Variants in TGFB2 observed in about 807,000 individuals in gnomAD.
TGFB2 encodes transforming growth factor beta 2, also known as transforming growth factor beta-2 proprotein.
Under a neutral mutation model 42.7 loss-of-function variants are expected in TGFB2, and 13 were observed. That is an observed-to-expected ratio of 0.30 (90% CI 0.20 to 0.48). The LOEUF (loss-of-function observed/expected upper bound fraction) is 0.48. TGFB2 is among the 20% of genes least tolerant of loss of function. The pLI is 0.99. For missense variants in TGFB2, 390 were observed against 517.5 expected (o/e 0.75, Z 2.39); for synonymous variants, 193 against 193.6 (o/e 1.00, Z 0.03).
At chr1:218,416,796 G>A (rs1659296177) in intron 2 of TGFB2, among the ~76,000 whole-genome samples, 1 of 152,126 alleles carries the variant, frequency 6.6e-6, no homozygotes, top group South Asian at 2.1e-4. Flanking sequence ...ATTGAATCAT[G>A]GGAGCAAGTC....
intron 1 of TGFB2, among the ~76,000 whole-genome samples, chr1:218,361,263 G>A (rs183765054): frequency 1.3e-5 from 2 of 152,250 alleles, no homozygotes; most frequent in African/African-American, 4.8e-5. Flanking sequence ...CATTGGATCA[G>A]CACCAGAGCT....
chr1:218,352,472 C>T (rs1308224377), intron 1 of TGFB2, among the ~76,000 whole-genome samples: 3 of 152,122 alleles, frequency 2.0e-5, no homozygotes, highest in East Asian at 1.9e-4. Flanking sequence ...GGGAATTCAA[C>T]GTTCTCCAGG....
chr1:218,395,611 C>CTTTT (rs35666134), intron 1 of TGFB2, among the ~76,000 whole-genome samples: 12 of 138,616 alleles, frequency 8.7e-5, no homozygotes, highest in South Asian at 2.3e-4. Context: ...TTTTCTTTTT[C>CTTTT]TTTTTTTTTT....
intron 1 of TGFB2, among the ~76,000 whole-genome samples, chr1:218,359,320 T>A (rs150178411): frequency 1.4e-3 from 206 of 152,346 alleles, no homozygotes; most frequent in African/African-American, 4.6e-3. Context: ...GTCACTCATT[T>A]GTATCTCTTC....
chr1:218,348,823 C>T (rs975814786), intron 1 of TGFB2, among the ~76,000 whole-genome samples: 4 of 152,178 alleles, frequency 2.6e-5, no homozygotes, highest in African/African-American at 9.7e-5. Context: ...AATAACTCAT[C>T]TTTCAATGTT....
rs565044375 is a variant in TGFB2, at chr1:218,415,674, G to A, written c.510+10342G>A. Among the ~76,000 whole-genome samples the A allele has an allele frequency of 8.0e-4, 99 of 124,066 alleles. No homozygotes were observed. In the Middle Eastern group the frequency reaches 0.035, roughly 43 times the overall value. 81.4% of individuals were successfully genotyped at this position (124,066 alleles called of 152,430 possible). The stretch of plus-strand genomic sequence containing the variant: ...TGTGTCACTGCACTCCAGCCTGGGC[G>A]ACAGAGCGAGACTCTGTCTCAAAAG... On this transcript the variant is annotated intron_variant, in intron 2 of 6. Coordinates refer to ENST00000366930, the MANE Select transcript of TGFB2 (RefSeq NM_003238.6).
At chr1:218,431,582 G>A (rs1659808325) in intron 2 of TGFB2, among the ~76,000 whole-genome samples, 1 of 152,174 alleles carries the variant, frequency 6.6e-6, no homozygotes, top group Non-Finnish European at 1.5e-5. Context: ...ACAATGTTTA[G>A]TTCTAGGTAG....
chr1:218,401,900 G>T (rs1041655989), intron 1 of TGFB2, among the ~76,000 whole-genome samples: 7 of 152,222 alleles, frequency 4.6e-5, no homozygotes, highest in Non-Finnish European at 1.0e-4. Flanking sequence ...TGAAGTAAAG[G>T]CAGGGTCAAA....
At chr1:218,379,425 T>C (rs942610620) in intron 1 of TGFB2, among the ~76,000 whole-genome samples, 4 of 151,494 alleles carry the variant, frequency 2.6e-5, no homozygotes, top group African/African-American at 4.8e-5. Context: ...TGAGCCACCG[T>C]GCCCGGCCAG....
At position 218,379,414 on chromosome 1, in the gene TGFB2, G is replaced by A. The variant is rs1278825533; in HGVS notation, c.347-25755G>A. Among the ~76,000 whole-genome samples the A allele has an allele frequency of 2.6e-5, 4 of 151,304 alleles. No homozygotes were observed. The East Asian group carries it at 7.7e-4, about 29-fold the overall frequency. ...CTCCCAAAGTGCTGGGATTACAGGCGTGAGCCACCGTGCCCGGCCAGTACC... is the reference window on the plus strand; with the variant it reads ...CTCCCAAAGTGCTGGGATTACAGGCATGAGCCACCGTGCCCGGCCAGTACC... On this transcript the variant is annotated intron_variant, in intron 1 of 6. Transcript: ENST00000366930.
rs550941534 is a variant in TGFB2 at position 218,346,056 on chromosome 1, G to GCGCACA, written c.-645_-644insGCACAC. On this transcript the variant is annotated 5_prime_UTR_variant, in exon 1 of 7. Transcript: ENST00000366930. The surrounding 1 kb of genome is among the most constrained non-coding windows in gnomAD (Gnocchi z 4.9). ...GGGCTCGCCCCCAGCGCGCGCACAC[G>GCGCACA]CACACACACACACACACACACACAC... is the stretch of plus-strand genomic sequence containing the variant. Among the ~76,000 whole-genome samples, 14 of 145,682 alleles carry GCGCACA rather than the reference G, an allele frequency of 9.6e-5. No homozygotes were observed. Among genetic ancestry groups the GCGCACA allele is most frequent in the African/African-American group, 3.3e-4 (13 of 39,706 alleles).
rs750324465 is a variant in TGFB2, at chr1:218,346,895, C to T, written c.194C>T (p.Pro65Leu). The T allele has an allele frequency of 2.0e-5, 32 of 1,614,070 alleles. No homozygotes were observed. Among genetic ancestry groups the T allele is most frequent in the East Asian group, 1.1e-4 (5 of 44,884 alleles). Residue 65 changes from proline to leucine, a missense_variant, in exon 1 of 7, where the codon CCG (proline) becomes CTG (leucine). Coordinates refer to ENST00000366930, the MANE Select transcript of TGFB2 (RefSeq NM_003238.6). The surrounding 1 kb of genome is among the most constrained non-coding windows in gnomAD (Gnocchi z 4.9). The part of the protein sequence containing the change: ...EDYPEPEEVP[P>L]EVISIYNSTR... ...TATCCTGAGCCCGAGGAAGTCCCCC[C>T]GGAGGTGATTTCCATCTACAACAGC... is the stretch of plus-strand genomic sequence containing the variant.
chr1:218,413,058 A>C (rs1051837802), intron 2 of TGFB2, among the ~76,000 whole-genome samples: 5 of 152,206 alleles, frequency 3.3e-5, no homozygotes, highest in African/African-American at 1.2e-4. Context: ...CCAAGGCAGA[A>C]GCTGCAAGTC....
At position 218,414,499 on chromosome 1, in the gene TGFB2, GA is replaced by G. The variant is rs201366103; in HGVS notation, c.510+9169del. On this transcript the variant is annotated intron_variant, in intron 2 of 6. Transcript: ENST00000366930. Reference sequence around the variant, plus strand: ...TAGCATAGTAACCCACCTAAAAAAAGAATAAAAAACACCATGAGGTATAATA... The same window carrying G: ...TAGCATAGTAACCCACCTAAAAAAAGATAAAAAACACCATGAGGTATAATA... 8.9e-3 allele frequency among the ~76,000 whole-genome samples: 1,361 copies of G among 152,092 alleles called. 17 individuals are homozygous for G. Among genetic ancestry groups the G allele is most frequent in the African/African-American group, 0.031 (1,272 of 41,516 alleles).
intron 2 of TGFB2, among the ~76,000 whole-genome samples, chr1:218,411,274 A>G (rs1321130167): frequency 6.6e-6 from 1 of 152,166 alleles, no homozygotes; most frequent in Non-Finnish European, 1.5e-5. Flanking sequence ...TATACTTCAC[A>G]AGTTTTTGTG....
chr1:218,412,082 G>A (rs1176051935), intron 2 of TGFB2, among the ~76,000 whole-genome samples: 1 of 152,176 alleles, frequency 6.6e-6, no homozygotes, highest in African/African-American at 2.4e-5. Flanking sequence ...GACTGTGAGT[G>A]TGCACCTCCT....
chr1:218,384,850 C>G (rs922820458), intron 1 of TGFB2, among the ~76,000 whole-genome samples: 2 of 152,162 alleles, frequency 1.3e-5, no homozygotes, highest in African/African-American at 4.8e-5. Context: ...GGAGGAGGTT[C>G]AGTGAAGCCC....
Position 218,436,099 on chromosome 1 carries a change from A to G in TGFB2, c.884A>G (p.Gln295Arg), listed in dbSNP as rs1659963428. 2 of 1,614,018 alleles carry G rather than the reference A, an allele frequency of 1.2e-6. No homozygotes were observed. The highest frequency in any genetic ancestry group is 1.7e-6 in the Non-Finnish European group (2 of 1,179,938). Residue 295 changes from glutamine (Q) to arginine (R), a missense_variant, in exon 5 of 7, where the codon CAG becomes CGG. Gln to Arg is a conservative substitution (Grantham distance 43, BLOSUM62 1). Transcript: ENST00000366930. ...LLPSYRLESQ[Q>R]TNRRKKRALD... is the part of the protein sequence containing the mutation. ...CCCTCCTACAGACTTGAGTCACAAC[A>G]GACCAACCGGCGGAAGAAGCGTGCT...
rs1657862157 is a variant in TGFB2, at chr1:218,379,131, T to TTG, written c.347-26037_347-26036insGT. Among the ~76,000 whole-genome samples the TTG allele has an allele frequency of 2.8e-5, 4 of 145,242 alleles. 1 individual carries two copies. In the South Asian group the frequency reaches 8.6e-4, roughly 31 times the overall value. On this transcript the variant is annotated intron_variant, in intron 1 of 6. Coordinates refer to ENST00000366930, the MANE Select transcript of TGFB2 (RefSeq NM_003238.6). ...ATGGTACATTTTCTTTCTTTCTTTC[T>TTG]TTTTTTTTTTTCTTTTTTAGAGACG...
Sources: allele counts gnomAD v4.1 joint callset (sites outside exome capture counted in the v4.1 genomes callset), GRCh38; gene constraint gnomAD v4.1.1; non-coding constraint Gnocchi (gnomAD v3.1); transcripts MANE v1.5; gene names NCBI Gene and HGNC (gene_info 2026-07-23, HGNC 2026-07-21).